AP1S3: variants seen among roughly 807,000 people sequenced by gnomAD.
The protein encoded by AP1S3 is adaptor related protein complex 1 subunit sigma 3, also known as AP-1 complex subunit sigma-3.
AP1S3 carries 10 observed loss-of-function variants against 20.9 expected under a neutral mutation model. The ratio of observed to expected loss-of-function variants is 0.48; its 90% CI spans 0.29 to 0.81. The LOEUF (loss-of-function observed/expected upper bound fraction) is 0.81. AP1S3 is among the 30% of genes least tolerant of loss of function. AP1S3 has a pLI of 0.08. For synonymous variants in AP1S3, 41 were observed against 61.5 expected, an observed-to-expected ratio of 0.67 and a Z score of 1.56; for missense variants, 154 against 183.8, an observed-to-expected ratio of 0.84 and a Z score of 0.94.
chr2:223,771,318 C>G (rs1005998860), intron 3 of AP1S3, among the ~76,000 whole-genome samples: 1 of 151,864 alleles, frequency 6.6e-6, no homozygotes, highest in African/African-American at 2.4e-5. Flanking sequence ...ACCTGGGCAA[C>G]GGAGTAAGAC....
intron 1 of AP1S3, among the ~76,000 whole-genome samples, chr2:223,804,807 G>A (rs1691542860): frequency 1.3e-5 from 2 of 152,056 alleles, no homozygotes. Flanking sequence ...GATATTAATG[G>A]TAAAATCTGC....
intron 3 of AP1S3, among the ~76,000 whole-genome samples, chr2:223,770,726 C>CTTTTTTTTTTTTTTTTTTTTTTTTTT (rs1194728092): frequency 1.3e-5 from 1 of 76,630 alleles, no homozygotes. Context: ...TAGACCAGTT[C>CTTTTTTTTTTTTTTTTTTTTTTTTTT]ATTTTTTTTT....
chr2:223,805,403 A>G (rs887883632), intron 1 of AP1S3, among the ~76,000 whole-genome samples: 3 of 152,160 alleles, frequency 2.0e-5, no homozygotes, highest in Non-Finnish European at 2.9e-5. Flanking sequence ...AGATCGCACC[A>G]TTACACTCCA....
chr2:223,770,497 T>C (rs866358788), intron 3 of AP1S3, among the ~76,000 whole-genome samples: 33 of 141,638 alleles, frequency 2.3e-4, no homozygotes. Flanking sequence ...AGAGAGACAA[T>C]ACACACACAC....
intron 1 of AP1S3, among the ~76,000 whole-genome samples, chr2:223,835,516 G>A (rs939771367): frequency 3.3e-5 from 5 of 152,152 alleles, no homozygotes; most frequent in Non-Finnish European, 5.9e-5. Flanking sequence ...TTAGCTAGGC[G>A]TGGTGGCGGG....
In AP1S3 at chr2:223,776,110, C is replaced by T. The variant is rs1320607939; in HGVS notation, c.183-101G>A. Reference sequence around the variant, plus strand: ...GCAGTCACCTCCTCCCCCGCCGAGCCTCTCCTCATCCAAGAATGAAATCAT... The same window carrying T: ...GCAGTCACCTCCTCCCCCGCCGAGCTTCTCCTCATCCAAGAATGAAATCAT... On this transcript the variant is annotated intron_variant, in intron 2 of 4. Coordinates refer to ENST00000396654, the MANE Select transcript of AP1S3 (RefSeq NM_001039569.2). 5.0e-6 allele frequency: 4 copies of T among 794,058 alleles called. No individual in the cohort carries two copies. In the African/African-American group the frequency reaches 5.1e-5, roughly 10 times the overall value. The allele number at this position is 794,058 out of a possible 1,614,324, so 49.2% of individuals were successfully genotyped here. A position where few individuals can be genotyped will look rare whatever the true frequency, so the allele number is the denominator to read the frequency against.
At chr2:223,769,682 C>T (rs1690562823) in intron 3 of AP1S3, among the ~76,000 whole-genome samples, 1 of 147,518 alleles carries the variant, frequency 6.8e-6, no homozygotes, top group Admixed American at 6.8e-5. Flanking sequence ...CTAAGATAGA[C>T]TTGTAAGGAG....
chr2:223,782,665 T>C (rs894050442), intron 1 of AP1S3, among the ~76,000 whole-genome samples: 5 of 152,170 alleles, frequency 3.3e-5, no homozygotes, highest in Admixed American at 3.3e-4. Flanking sequence ...GAAAGGATGA[T>C]CAGGAAAAGA....
At chr2:223,821,830 C>T (rs1477465370) in intron 1 of AP1S3, among the ~76,000 whole-genome samples, 1 of 152,150 alleles carries the variant, frequency 6.6e-6, no homozygotes, top group South Asian at 2.1e-4. Flanking sequence ...AAATAACGTA[C>T]GTTATGTTCA....
Position 223,758,232 on chromosome 2 carries a change from T to C in AP1S3, c.*483A>G. The C allele has an allele frequency of 1.0e-6, 1 of 979,494 alleles. No homozygotes were observed. 60.7% of individuals were successfully genotyped at this position (979,494 alleles called of 1,614,324 possible). A position where few individuals can be genotyped will look rare whatever the true frequency, so the allele number is the denominator to read the frequency against. On this transcript the variant is annotated 3_prime_UTR_variant, in exon 5 of 5. Coordinates refer to ENST00000396654, the MANE Select transcript of AP1S3 (RefSeq NM_001039569.2). Reference sequence around the variant, plus strand: ...TACTATTAAGTGTATGAAAAATGTCTAGCATTACATATAAACTCTGCACTA... The same window carrying C: ...TACTATTAAGTGTATGAAAAATGTCCAGCATTACATATAAACTCTGCACTA...
At chr2:223,835,483 CG>C (rs1692374507) in intron 1 of AP1S3, among the ~76,000 whole-genome samples, 1 of 152,030 alleles carries the variant, frequency 6.6e-6, no homozygotes, top group Non-Finnish European at 1.5e-5. Context: ...GGCAAAACCC[CG>C]TCTCTACTAA....
intron 1 of AP1S3, among the ~76,000 whole-genome samples, chr2:223,821,814 C>T (rs2106126278): frequency 6.6e-6 from 1 of 152,294 alleles, no homozygotes; most frequent in Non-Finnish European, 1.5e-5. Flanking sequence ...TTCTGACATA[C>T]TTGGAAAATA....
chr2:223,829,578 G>A (rs946494340), intron 1 of AP1S3, among the ~76,000 whole-genome samples: 1 of 152,166 alleles, frequency 6.6e-6, no homozygotes, highest in African/African-American at 2.4e-5. Flanking sequence ...GGCTGAGGCA[G>A]GAGAATCACT....
At chr2:223,770,108 A>G in intron 3 of AP1S3, 3 of 1,486,848 alleles carry the variant, frequency 2.0e-6, no homozygotes, top group Non-Finnish European at 2.7e-6. Flanking sequence ...TCATTTTTGC[A>G]GTTTTAAACA....
At position 223,757,814 on chromosome 2, in the gene AP1S3, T is replaced by G; in HGVS notation, c.*901A>C. The G allele has an allele frequency of 2.0e-6, 2 of 985,298 alleles. No individual in the cohort carries two copies. Among genetic ancestry groups the G allele is most frequent in the Non-Finnish European group, 2.4e-6 (2 of 829,814 alleles). 61.0% of individuals were successfully genotyped at this position (985,298 alleles called of 1,614,324 possible). A position where few individuals can be genotyped will look rare whatever the true frequency, so the allele number is the denominator to read the frequency against. On this transcript the variant is annotated 3_prime_UTR_variant, in exon 5 of 5. Coordinates refer to ENST00000396654, the MANE Select transcript of AP1S3 (RefSeq NM_001039569.2). ...GTAAGCCATGTAATAAGTCTTCAAA[T>G]GCATTAGAGATACATTAAAACATAT...
intron 1 of AP1S3, among the ~76,000 whole-genome samples, chr2:223,782,729 A>G (rs1203537281): frequency 1.3e-5 from 2 of 152,260 alleles, no homozygotes; most frequent in African/African-American, 4.8e-5. Flanking sequence ...ACTCAAAAAC[A>G]GCAACAAATA....
intron 1 of AP1S3, among the ~76,000 whole-genome samples, chr2:223,803,493 A>C (rs2106112571): frequency 6.6e-6 from 1 of 152,316 alleles, no homozygotes; most frequent in South Asian, 2.1e-4. Flanking sequence ...TGATGTACTC[A>C]ACGAAAATTG....
intron 1 of AP1S3, among the ~76,000 whole-genome samples, chr2:223,817,607 C>CAAAAAAAAAAAA (rs748661983): frequency 6.2e-5 from 5 of 81,196 alleles, no homozygotes; most frequent in African/African-American, 9.2e-5. Flanking sequence ...GACTCCGTCT[C>CAAAAAAAAAAAA]AAAAAAAAAA....
intron 3 of AP1S3, among the ~76,000 whole-genome samples, chr2:223,773,750 A>C (rs1355340655): frequency 2.6e-5 from 4 of 152,076 alleles, no homozygotes. Flanking sequence ...ACAAAAAAAA[A>C]CTCTGCTGGA....
Sources: allele counts gnomAD v4.1 joint callset (sites outside exome capture counted in the v4.1 genomes callset), GRCh38; gene constraint gnomAD v4.1.1; transcripts MANE v1.5; gene names NCBI Gene and HGNC (gene_info 2026-07-23, HGNC 2026-07-21).